The following PTPRN2 variants were observed in gnomAD, a reference collection of about 807,000 sequenced individuals.
PTPRN2 encodes the protein protein tyrosine phosphatase receptor type N2.
In PTPRN2, 74 loss-of-function variants were observed where a neutral mutation model predicts 118.8. That is an observed-to-expected ratio of 0.62 (90% confidence interval 0.52 to 0.76). PTPRN2 has a LOEUF of 0.76. Ranked by LOEUF, PTPRN2 falls within the 30% of genes least tolerant of loss-of-function variation. PTPRN2 has a pLI of 0.00. For missense variants in PTPRN2, 1,481 were observed against 1,394.4 expected (o/e 1.06, Z -0.99); for synonymous variants, 641 against 608.0 (o/e 1.05, Z -0.80).
rs73517086 is a variant in PTPRN2 at position 157,931,553 on chromosome 7, C to T, written c.1724-32816G>A. ...CCTGTTCTCAGGAGGCACATGCCTT[C>T]GTGTGGGGCTAGAGCATTAACTCTA... On this transcript the variant is annotated intron_variant, in intron 11 of 22. Coordinates refer to ENST00000389418, the MANE Select transcript of PTPRN2 (RefSeq NM_002847.5). Among the ~76,000 whole-genome samples, 932 of 152,316 alleles carry T rather than the reference C, an allele frequency of 6.1e-3. 12 individuals are homozygous for T. The highest frequency in any genetic ancestry group is 0.021 in the African/African-American group (886 of 41,572).
chr7:158,142,220 G>A (rs949383815), intron 6 of PTPRN2, among the ~76,000 whole-genome samples: 6 of 152,164 alleles, frequency 3.9e-5, no homozygotes, highest in African/African-American at 1.2e-4. Flanking sequence ...GCCCGCCTCC[G>A]CCTCTGTGGG....
intron 12 of PTPRN2, among the ~76,000 whole-genome samples, chr7:157,820,651 T>G (rs1188193959): frequency 2.0e-5 from 3 of 152,030 alleles, no homozygotes; most frequent in Admixed American, 2.0e-4. Flanking sequence ...CACACACACA[T>G]GCACACACAC....
chr7:157,635,556 G>T (rs948729249), intron 14 of PTPRN2, among the ~76,000 whole-genome samples: 3 of 152,252 alleles, frequency 2.0e-5, no homozygotes, highest in African/African-American at 7.2e-5. Flanking sequence ...GGGGAGAAGG[G>T]TACAGATCTG....
In PTPRN2 at chr7:157,591,411, G is replaced by C. The variant is rs1800981102; in HGVS notation, c.2496+3827C>G. ...CAGTCTGTGTCCCGATCCTTGGTCA[G>C]CATCTGAGAATGGTCCAGAATGGGG... On this transcript the variant is annotated intron_variant, in intron 17 of 22. Coordinates refer to ENST00000389418, the MANE Select transcript of PTPRN2 (RefSeq NM_002847.5). The surrounding 1 kb of genome is among the most constrained non-coding windows in gnomAD (Gnocchi z 4.4). Among the ~76,000 whole-genome samples the C allele has an allele frequency of 6.6e-6, 1 of 152,248 alleles. No homozygotes were observed. Among genetic ancestry groups the C allele is most frequent in the African/African-American group, 2.4e-5 (1 of 41,468 alleles).
intron 12 of PTPRN2, among the ~76,000 whole-genome samples, chr7:157,862,192 G>A (rs184622440): frequency 2.1e-4 from 32 of 152,348 alleles, no homozygotes; most frequent in Admixed American, 1.8e-3. Flanking sequence ...ACTGCAGCAC[G>A]GTGCCTCCTT....
chr7:158,352,219 C>A (rs1808036176), intron 2 of PTPRN2, among the ~76,000 whole-genome samples: 3 of 12,240 alleles, frequency 2.5e-4, no homozygotes, highest in African/African-American at 1.9e-3. Flanking sequence ...CCTGACTGCT[C>A]CCCTCCTGTC....
intron 12 of PTPRN2, among the ~76,000 whole-genome samples, chr7:157,835,590 C>G (rs539213114): frequency 6.6e-6 from 1 of 152,252 alleles, no homozygotes; most frequent in South Asian, 2.1e-4. Flanking sequence ...GTAGGAAGAA[C>G]AGGAAACAGG....
At chr7:157,721,496 C>T (rs570521722) in intron 12 of PTPRN2, among the ~76,000 whole-genome samples, 32 of 152,350 alleles carry the variant, frequency 2.1e-4, no homozygotes, top group African/African-American at 6.5e-4. Flanking sequence ...TTCGGATGTG[C>T]ACAGCTGCGT....
chr7:157,656,524 G>C lies in PTPRN2; in HGVS notation c.2029C>G (p.Arg677Gly). The change falls in exon 14 of 23, where the codon CGG (arginine) becomes GGG (glycine). Residue 677 changes from arginine (R) to glycine (G), a missense_variant. Physicochemically the swap from Arg to Gly is moderately radical, Grantham distance 125. Coordinates refer to ENST00000389418, the MANE Select transcript of PTPRN2 (RefSeq NM_002847.5). ...GGGCCCTCAGGTCGGTCTGGTGGCC[G>C]CGTGGCCATACGCTGGCGGCACAGC... ...QELCRQRMATRPPDRPEGPHT... is the reference protein window; with the variant it reads ...QELCRQRMATGPPDRPEGPHT... 6.5e-7 allele frequency: 1 copy of C among 1,548,118 alleles called. No homozygotes were observed. Among genetic ancestry groups the C allele is most frequent in the Non-Finnish European group, 8.7e-7 (1 of 1,152,520 alleles).
In PTPRN2 at chr7:158,462,482, A is replaced by G. The variant is rs550471642; in HGVS notation, c.163+27253T>C. On this transcript the variant is annotated intron_variant, in intron 2 of 22. Transcript: ENST00000389418. The stretch of plus-strand genomic sequence containing the variant: ...ACAGAAAACACACAGAGTCCTAGAG[A>G]TGATATGTGAAAATTAAGGGGTGCC... 3.3e-4 allele frequency among the ~76,000 whole-genome samples: 50 copies of G among 152,278 alleles called. 1 individual carries two copies. The highest frequency in any genetic ancestry group is 1.2e-3 in the African/African-American group (50 of 41,552).
At chr7:157,628,975 AAAC>A (rs1803771973) in intron 14 of PTPRN2, among the ~76,000 whole-genome samples, 1 of 152,174 alleles carries the variant, frequency 6.6e-6, no homozygotes, top group African/African-American at 2.4e-5. Flanking sequence ...ATGTGACACT[AAAC>A]TGCTAGTTAA....
At chr7:158,541,836 C>T (rs1318534988) in intron 1 of PTPRN2, 2 of 683,648 alleles carry the variant, frequency 2.9e-6, no homozygotes, top group Non-Finnish European at 3.6e-6. Context: ...CAGAGCACCA[C>T]GCATGCGCAT....
intron 13 of PTPRN2, 149 bp from the exon 14 acceptor site, chr7:157,656,700 G>T: frequency 1.2e-6 from 1 of 818,556 alleles, no homozygotes; most frequent in South Asian, 1.7e-5. Flanking sequence ...GCAGGCCAGC[G>T]CAACATGACG....
chr7:157,715,478 C>T (rs866575249), intron 12 of PTPRN2, among the ~76,000 whole-genome samples: 11 of 152,218 alleles, frequency 7.2e-5, no homozygotes, highest in Non-Finnish European at 1.3e-4. Flanking sequence ...TTCTGCTTGG[C>T]GCTGGCTACT....
chr7:157,994,225 C>G (rs1461118082), intron 11 of PTPRN2, among the ~76,000 whole-genome samples: 1 of 152,180 alleles, frequency 6.6e-6, no homozygotes, highest in Non-Finnish European at 1.5e-5. Flanking sequence ...GTGACTCGCT[C>G]TGAGCCACTT....
At chr7:158,148,512 C>G (rs371770450) in intron 6 of PTPRN2, among the ~76,000 whole-genome samples, 27 of 53,862 alleles carry the variant, frequency 5.0e-4, no homozygotes, top group Non-Finnish European at 8.6e-4. Flanking sequence ...TTCCCCCTCA[C>G]TGACACCCCA....
chr7:158,167,955 C>T (rs1823180420), intron 5 of PTPRN2, among the ~76,000 whole-genome samples: 1 of 152,192 alleles, frequency 6.6e-6, no homozygotes, highest in South Asian at 2.1e-4. Context: ...TTGAATAATG[C>T]TGCTATGAGT....
chr7:157,587,221 CACAGGCAGACAGGCAGACAGCGAG>C lies in PTPRN2; in HGVS notation c.2496+7993_2496+8016del, dbSNP rs1234284080. Among the ~76,000 whole-genome samples the C allele has an allele frequency of 6.6e-6, 1 of 151,118 alleles. No individual in the cohort carries two copies. The highest frequency in any genetic ancestry group is 6.6e-5 in the Admixed American group (1 of 15,178). ...CAGGCAGGCAGACAGAGACAAGACA[CACAGGCAGACAGGCAGACAGCGAG>C]ACAGGCAGACAGACAGGCAGACAAA... On this transcript the variant is annotated intron_variant, in intron 17 of 22. Transcript: ENST00000389418. The surrounding 1 kb of genome is among the most constrained non-coding windows in gnomAD (Gnocchi z 5.3).
At chr7:157,941,518 A>G (rs79280395) in intron 11 of PTPRN2, among the ~76,000 whole-genome samples, 2,281 of 151,576 alleles carry the variant, frequency 0.015, 32 homozygotes, top group Non-Finnish European at 0.023. Flanking sequence ...CTCCCCCATG[A>G]CACTGCAAGC....
Sources: gnomAD v4.1 joint callset for allele counts (sites outside exome capture counted in the v4.1 genomes callset) on GRCh38, gnomAD v4.1.1 for gene constraint, Gnocchi (gnomAD v3.1) non-coding constraint, MANE v1.5 for transcripts, NCBI Gene and HGNC (gene_info 2026-07-23, HGNC 2026-07-21) for gene names.